PCDH15: variants seen among roughly 807,000 people sequenced by gnomAD.
The protein encoded by PCDH15 is protocadherin-15.
PCDH15 carries 129 observed loss-of-function variants against 178.5 expected under a neutral mutation model. The observed-to-expected ratio is 0.72, with a 90% CI of 0.63 to 0.84. The LOEUF (loss-of-function observed/expected upper bound fraction) is 0.84, where lower values mean the gene tolerates loss of function less well. Ranked by LOEUF, PCDH15 falls within the 40% of genes least tolerant of loss-of-function variation. The pLI is 0.00. For synonymous variants in PCDH15, 800 were observed against 732.0 expected (o/e 1.09, Z -1.50); for missense variants, 2,230 against 2,099.9 (o/e 1.06, Z -1.21).
At chr10:55,379,496 T>C (rs1837482335) in intron 2 of PCDH15, among the ~76,000 whole-genome samples, 2 of 152,064 alleles carry the variant, frequency 1.3e-5, no homozygotes, top group Non-Finnish European at 2.9e-5. Flanking sequence ...ATTTAGTACA[T>C]AGTAGGTTAT....
At chr10:54,853,346 C>CAT (rs1212903994) in intron 3 of PCDH15, among the ~76,000 whole-genome samples, 838 of 74,734 alleles carry the variant, frequency 0.011, 11 homozygotes, top group African/African-American at 0.04. Context: ...CATATATATA[C>CAT]ATATATATAT....
chr10:55,622,154 A>AATATATATATTATATATATT (rs1456687057), intron 2 of PCDH15, among the ~76,000 whole-genome samples: 4 of 72,480 alleles, frequency 5.5e-5, no homozygotes, highest in Non-Finnish European at 1.2e-4. Context: ...TATATCTATA[A>AATATATATATTATATATATT]ATATATATAT....
At chr10:54,280,640 T>C (rs902607139) in intron 8 of PCDH15, among the ~76,000 whole-genome samples, 2 of 151,836 alleles carry the variant, frequency 1.3e-5, no homozygotes, top group Non-Finnish European at 2.9e-5. Context: ...TTCGTTTCAT[T>C]CTTTCCATCT....
chr10:54,687,244 G>A lies in PCDH15; in HGVS notation c.-28-22954C>T, dbSNP rs941870636. Among the ~76,000 whole-genome samples the A allele has an allele frequency of 3.9e-5, 6 of 151,976 alleles. No homozygotes were observed. In the East Asian group the frequency reaches 7.7e-4, roughly 20 times the overall value. On this transcript the variant is annotated intron_variant, in intron 1 of 37. Transcript: ENST00000644397. ...GTGCAGCCACTATAGAAATCACTAC[G>A]GAGGTTTCTAAAAAAATTTAAAAAT...
intron 14 of PCDH15, among the ~76,000 whole-genome samples, chr10:54,145,624 T>C (rs1441029839): frequency 6.6e-6 from 1 of 152,072 alleles, no homozygotes; most frequent in African/African-American, 2.4e-5. Flanking sequence ...TGTATTTATA[T>C]ATAAATACCA....
chr10:54,507,807 T>A (rs1049447377), intron 3 of PCDH15, among the ~76,000 whole-genome samples: 4 of 152,040 alleles, frequency 2.6e-5, no homozygotes, highest in African/African-American at 9.7e-5. Flanking sequence ...AATTTGGCAA[T>A]AACTTATTTC....
chr10:54,950,070 G>A (rs750520118), intron 2 of PCDH15, among the ~76,000 whole-genome samples: 7 of 151,952 alleles, frequency 4.6e-5, no homozygotes, highest in Non-Finnish European at 7.4e-5. Context: ...CTTTACAGCA[G>A]TGCACTATTA....
chr10:54,131,567 C>T (rs560100700), intron 15 of PCDH15, among the ~76,000 whole-genome samples: 1 of 152,050 alleles, frequency 6.6e-6, no homozygotes, highest in African/African-American at 2.4e-5. Context: ...TTACTAATAT[C>T]TCTACCTTCA....
chr10:54,925,996 T>A (rs1292535137), intron 2 of PCDH15, among the ~76,000 whole-genome samples: 1 of 152,088 alleles, frequency 6.6e-6, no homozygotes, highest in Non-Finnish European at 1.5e-5. Flanking sequence ...GTAATAGGAG[T>A]AGTGAAAGAA....
chr10:54,187,926 C>CA (rs1243025137), intron 11 of PCDH15, among the ~76,000 whole-genome samples: 2 of 151,844 alleles, frequency 1.3e-5, no homozygotes, highest in Non-Finnish European at 3.0e-5. Context: ...AAAGATAGTG[C>CA]AAGTTTCAAA....
At chr10:53,837,837 C>G (rs2077397296) in intron 29 of PCDH15, among the ~76,000 whole-genome samples, 1 of 151,780 alleles carries the variant, frequency 6.6e-6, no homozygotes, top group Non-Finnish European at 1.5e-5. Flanking sequence ...AGAAACAATT[C>G]TAGAGTTTCA....
chr10:54,073,016 A>T (rs1467058972), intron 17 of PCDH15, among the ~76,000 whole-genome samples: 1 of 152,114 alleles, frequency 6.6e-6, no homozygotes, highest in Non-Finnish European at 1.5e-5. Flanking sequence ...ACCTGTCCAA[A>T]CACATATTTA....
intron 1 of PCDH15, among the ~76,000 whole-genome samples, chr10:54,770,164 G>A (rs1948933812): frequency 6.6e-6 from 1 of 152,096 alleles, no homozygotes; most frequent in South Asian, 2.1e-4. Flanking sequence ...TAGAAAATTT[G>A]ACTAGGGCAT....
intron 1 of PCDH15, among the ~76,000 whole-genome samples, chr10:55,199,285 G>A (rs976993589): frequency 2.0e-5 from 3 of 152,116 alleles, no homozygotes; most frequent in African/African-American, 7.2e-5. Flanking sequence ...GATCACTCTT[G>A]CTATGCTTTA....
intron 2 of PCDH15, chr10:54,606,039 A>C (rs905478758): frequency 6.6e-6 from 1 of 152,144 alleles, no homozygotes; most frequent in Non-Finnish European, 1.5e-5. Context: ...TCTATAGCCC[A>C]CATGTAAATA....
intron 2 of PCDH15, among the ~76,000 whole-genome samples, chr10:54,912,293 A>G (rs372793993): frequency 2.6e-4 from 39 of 152,048 alleles, no homozygotes; most frequent in African/African-American, 8.9e-4. Flanking sequence ...CCTTGTTCCT[A>G]CCCAAATCTC....
Position 55,390,868 on chromosome 10 carries a change from A to G in PCDH15, c.-155-224217T>C, listed in dbSNP as rs187898489. 3.7e-4 allele frequency among the ~76,000 whole-genome samples: 57 copies of G among 152,302 alleles called. No individual in the cohort carries two copies. In the East Asian group the frequency reaches 7.3e-3, roughly 20 times the overall value. ...TTAAAACATTCAGTGAATCATTGTG[A>G]AAACAGATGTACAATCTTTGCTGTT... On this transcript the variant is annotated intron_variant, in intron 2 of 5. Coordinates refer to the PCDH15 transcript ENST00000613346.
Position 53,881,293 on chromosome 10 carries a change from GGA to G in PCDH15, c.3502-14438_3502-14437del, listed in dbSNP as rs572754048. Among the ~76,000 whole-genome samples, 20 of 152,152 alleles carry G rather than the reference GGA, an allele frequency of 1.3e-4. No individual in the cohort carries two copies. In the South Asian group the frequency reaches 4.2e-3, roughly 32 times the overall value. ...CATAGAGAGTGGAATAACAGTCACT[GGA>G]GACTCAGAAAGGTGGGAGGGTGGGA... On this transcript the variant is annotated intron_variant, in intron 26 of 37. Transcript: ENST00000644397.
At chr10:54,971,952 C>A (rs917193002) in intron 2 of PCDH15, among the ~76,000 whole-genome samples, 1 of 152,154 alleles carries the variant, frequency 6.6e-6, no homozygotes, top group Non-Finnish European at 1.5e-5. Flanking sequence ...TTATACCCCA[C>A]CTTCCCCAGG....
Sources: gnomAD v4.1 joint callset for allele counts (sites outside exome capture counted in the v4.1 genomes callset) on GRCh38, gnomAD v4.1.1 for gene constraint, MANE v1.5 for transcripts, NCBI Gene and HGNC (gene_info 2026-07-23, HGNC 2026-07-21) for gene names.